CPNE8: variants seen among roughly 807,000 people sequenced by gnomAD.
The protein encoded by CPNE8 is copine-8.
Under a neutral mutation model 81.5 loss-of-function variants are expected in CPNE8, and 45 were observed. That is an observed-to-expected ratio of 0.55 (90% confidence interval 0.44 to 0.71). The LOEUF is 0.71. Ranked by LOEUF, CPNE8 falls within the 30% of genes least tolerant of loss-of-function variation. CPNE8 has a pLI of 0.00. For synonymous variants in CPNE8, 252 were observed against 226.3 expected, an observed-to-expected ratio of 1.11 and a Z score of -1.02; for missense variants, 594 against 672.1, an observed-to-expected ratio of 0.88 and a Z score of 1.28.
In CPNE8 at chr12:38,905,459, C is replaced by T; in HGVS notation, c.76G>A (p.Val26Met). The T allele has an allele frequency of 6.4e-7, 1 of 1,570,290 alleles. No individual in the cohort carries two copies. The highest frequency in any genetic ancestry group is 1.2e-5 in the South Asian group (1 of 85,520). Reference protein sequence around the residue: ...QLSAAIPATRVEVSVSCRNLL... With the variant: ...QLSAAIPATRMEVSVSCRNLL... ...CACCTGCAGGACACGGACACCTCCA[C>T]CCGCGTGGCCGGGATGGCAGCGCTC... is the stretch of plus-strand genomic sequence containing the variant. Residue 26 changes from valine (V) to methionine (M), a missense_variant, in exon 1 of 20, where the codon GTG becomes ATG. Transcript: ENST00000331366.
At chr12:38,718,523 G>C (rs559385592) in intron 13 of CPNE8, among the ~76,000 whole-genome samples, 1 of 152,172 alleles carries the variant, frequency 6.6e-6, no homozygotes, top group South Asian at 2.1e-4. Flanking sequence ...TATTAAATTA[G>C]TGAAAATGAA....
intron 3 of CPNE8, among the ~76,000 whole-genome samples, chr12:38,858,127 G>A (rs1480493960): frequency 6.6e-6 from 1 of 152,152 alleles, no homozygotes; most frequent in Non-Finnish European, 1.5e-5. Flanking sequence ...GAAATAACTT[G>A]CACCTCTGTC....
intron 6 of CPNE8, among the ~76,000 whole-genome samples, chr12:38,794,993 C>A (rs116404770): frequency 6.6e-6 from 1 of 152,172 alleles, no homozygotes; most frequent in Admixed American, 6.5e-5. Flanking sequence ...TTCTGATCTT[C>A]TTCTTTCTCC....
intron 6 of CPNE8, among the ~76,000 whole-genome samples, chr12:38,821,469 T>G (rs1943109123): frequency 6.6e-6 from 1 of 152,206 alleles, no homozygotes; most frequent in African/African-American, 2.4e-5. Flanking sequence ...ATTTTTCCTT[T>G]TGTTTTTCTT....
intron 7 of CPNE8, among the ~76,000 whole-genome samples, chr12:38,768,560 AC>A (rs10714250): frequency 0.29 from 43,799 of 152,014 alleles, 8,186 homozygotes; most frequent in Non-Finnish European, 0.41. Context: ...TTGCTCTGTC[AC>A]CAGGCTGGAG....
chr12:38,719,129 G>A (rs1286343300), intron 13 of CPNE8, among the ~76,000 whole-genome samples: 1 of 152,074 alleles, frequency 6.6e-6, no homozygotes, highest in East Asian at 1.9e-4. Context: ...TGGAAGAGCT[G>A]GAAGATTGAA....
rs1469291460 is a variant in CPNE8 at position 38,691,316 on chromosome 12, G to A, written c.1143+2341C>T. ...CCTGGGTGCACTTTTCTCACCGTTG[G>A]TAATGAGATTGGCAGTTTCTAGAGC... On this transcript the variant is annotated intron_variant, in intron 15 of 19. Coordinates refer to ENST00000331366, the MANE Select transcript of CPNE8 (RefSeq NM_153634.3). Among the ~76,000 whole-genome samples the A allele has an allele frequency of 2.0e-5, 3 of 152,194 alleles. 1 individual carries two copies. The highest frequency in any genetic ancestry group is 4.1e-4 in the South Asian group (2 of 4,826).
chr12:38,689,027 G>T (rs558743016), intron 15 of CPNE8, among the ~76,000 whole-genome samples: 1 of 152,264 alleles, frequency 6.6e-6, no homozygotes, highest in Non-Finnish European at 1.5e-5. Context: ...ATCAGTTATT[G>T]CTTGTTAAAA....
At chr12:38,892,144 T>C (rs921292202) in intron 1 of CPNE8, among the ~76,000 whole-genome samples, 1 of 152,040 alleles carries the variant, frequency 6.6e-6, no homozygotes, top group Non-Finnish European at 1.5e-5. Flanking sequence ...TCTCAGGCTG[T>C]AGGAAAGTGT....
chr12:38,806,587 C>T (rs1407016226), intron 6 of CPNE8, among the ~76,000 whole-genome samples: 59 of 148,924 alleles, frequency 4.0e-4, no homozygotes, highest in African/African-American at 1.0e-3. Flanking sequence ...AAATTAGGTA[C>T]TGATGGGACG....
At chr12:38,743,325 CAA>C (rs1941151996) in intron 10 of CPNE8, among the ~76,000 whole-genome samples, 1 of 151,912 alleles carries the variant, frequency 6.6e-6, no homozygotes, top group African/African-American at 2.4e-5. Flanking sequence ...TTGAAAATGT[CAA>C]AGTCGGTGAA....
chr12:38,769,928 C>T (rs980503770), intron 7 of CPNE8, among the ~76,000 whole-genome samples: 7 of 152,044 alleles, frequency 4.6e-5, no homozygotes, highest in Admixed American at 2.0e-4. Flanking sequence ...CTTGCAATTA[C>T]TCAGGTTAAC....
intron 15 of CPNE8, among the ~76,000 whole-genome samples, chr12:38,691,774 G>T (rs954798653): frequency 1.3e-5 from 2 of 152,156 alleles, no homozygotes; most frequent in Admixed American, 1.3e-4. Flanking sequence ...AGTAGGTTCA[G>T]TTGCCTGGTA....
chr12:38,667,496 GAT>G (rs1288062938), intron 19 of CPNE8, among the ~76,000 whole-genome samples: 1 of 152,172 alleles, frequency 6.6e-6, no homozygotes, highest in Non-Finnish European at 1.5e-5. Flanking sequence ...TGATCAATGT[GAT>G]ATGTAAAGTA....
chr12:38,817,970 C>A (rs901511389), intron 6 of CPNE8, among the ~76,000 whole-genome samples: 1 of 152,072 alleles, frequency 6.6e-6, no homozygotes, highest in Non-Finnish European at 1.5e-5. Context: ...GTTAAGCATG[C>A]AGGCATGAAA....
intron 16 of CPNE8, among the ~76,000 whole-genome samples, chr12:38,679,094 G>T (rs1349361587): frequency 1.3e-5 from 2 of 151,538 alleles, no homozygotes; most frequent in Non-Finnish European, 3.0e-5. Context: ...AGAAAGATAG[G>T]GTTTTATATT....
At chr12:38,879,987 T>C (rs959537045) in intron 1 of CPNE8, among the ~76,000 whole-genome samples, 2 of 152,218 alleles carry the variant, frequency 1.3e-5, no homozygotes, top group Non-Finnish European at 2.9e-5. Flanking sequence ...AATTTTTCTA[T>C]TTAATTTTCA....
chr12:38,692,800 G>A (rs1253813622), intron 15 of CPNE8, among the ~76,000 whole-genome samples: 1 of 152,186 alleles, frequency 6.6e-6, no homozygotes, highest in Non-Finnish European at 1.5e-5. Flanking sequence ...TCTTCCCATT[G>A]AGAAGTGAAG....
intron 19 of CPNE8, among the ~76,000 whole-genome samples, chr12:38,666,687 C>T (rs1565560008): frequency 1.3e-5 from 2 of 152,230 alleles, no homozygotes; most frequent in South Asian, 4.2e-4. Context: ...TTGTCTGTTT[C>T]TGTGTGTATT....
Sources: allele counts gnomAD v4.1 joint callset (sites outside exome capture counted in the v4.1 genomes callset), GRCh38; gene constraint gnomAD v4.1.1; transcripts MANE v1.5; gene names NCBI Gene and HGNC (gene_info 2026-07-23, HGNC 2026-07-21).